The following DEPDC5 variants were observed in gnomAD, a reference collection of about 807,000 sequenced individuals.
DEPDC5 encodes the protein DEP domain containing 5, GATOR1 subcomplex subunit.
DEPDC5 carries 73 observed loss-of-function variants against 217.3 expected under a neutral mutation model. The observed-to-expected ratio is 0.34, with a 90% confidence interval of 0.28 to 0.41. DEPDC5 has a LOEUF of 0.41. Among genes scored for constraint, DEPDC5 ranks in the 10% least tolerant of loss-of-function variants. The probability of loss-of-function intolerance (pLI) is 1.00; values close to 1 mark genes in which losing one functional copy is unlikely to be tolerated. For synonymous variants in DEPDC5, 733 were observed against 756.7 expected (o/e 0.97, Z 0.51); for missense variants, 1,675 against 2,070.1 (o/e 0.81, Z 3.70).
intron 8 of DEPDC5, among the ~76,000 whole-genome samples, chr22:31,783,437 G>C (rs896747944): frequency 6.6e-6 from 1 of 152,120 alleles, no homozygotes; most frequent in Middle Eastern, 3.2e-3. Flanking sequence ...ACGGTGTGAG[G>C]ATTGCTTGAG....
chr22:31,787,683 A>C (rs2085148591), intron 10 of DEPDC5, among the ~76,000 whole-genome samples: 1 of 152,052 alleles, frequency 6.6e-6, no homozygotes, highest in African/African-American at 2.4e-5. Flanking sequence ...GCATTGGCAA[A>C]TGCCTCTAGT....
chr22:31,887,419 CAAAAAAAAAAA>C (rs567430576), intron 38 of DEPDC5, among the ~76,000 whole-genome samples: 2 of 65,680 alleles, frequency 3.0e-5, no homozygotes, highest in Non-Finnish European at 6.2e-5. Context: ...AACTCTGTCT[CAAAAAAAAAAA>C]AAAAAAAAAG....
At chr22:31,853,800 A>C (rs1447306183) in intron 31 of DEPDC5, among the ~76,000 whole-genome samples, 2 of 152,192 alleles carry the variant, frequency 1.3e-5, no homozygotes, top group African/African-American at 4.8e-5. Flanking sequence ...GATGAGGATG[A>C]CAGCCAAGTC....
chr22:31,897,725 G>A lies in DEPDC5; in HGVS notation c.4375+72G>A, dbSNP rs2093578696. The A allele has an allele frequency of 7.7e-6, 12 of 1,553,716 alleles. No homozygotes were observed. The South Asian group carries it at 1.3e-4, about 17-fold the overall frequency. ...GTCCCTAACAAGGACACCACTCTGG[G>A]TATCCAGTCAACACGGACTAGGGAA... On this transcript the variant is annotated intron_variant, in intron 40 of 42. Transcript: ENST00000651528.
chr22:31,893,115 C>T (rs908405085), intron 38 of DEPDC5, among the ~76,000 whole-genome samples: 1 of 152,028 alleles, frequency 6.6e-6, no homozygotes, highest in African/African-American at 2.4e-5. Context: ...ACCTCGTGAT[C>T]TGCTTGCGTC....
At chr22:31,821,789 C>G (rs1602159593) in intron 23 of DEPDC5, 152 bp downstream of exon 23, 2 of 1,121,948 alleles carry the variant, frequency 1.8e-6, no homozygotes, top group East Asian at 4.9e-5. Flanking sequence ...CAGTGGCATT[C>G]CCTTCAGTTG....
At chr22:31,847,406 A>G (rs941367432) in intron 31 of DEPDC5, among the ~76,000 whole-genome samples, 15 of 152,170 alleles carry the variant, frequency 9.9e-5, no homozygotes, top group African/African-American at 3.4e-4. Context: ...CACACTGCTA[A>G]TAAAGACATA....
intron 36 of DEPDC5, 30 bp downstream of exon 36, chr22:31,874,435 G>A: frequency 2.5e-6 from 4 of 1,584,814 alleles, no homozygotes; most frequent in Non-Finnish European, 3.4e-6. Flanking sequence ...CCATAGAGCT[G>A]TTTGCTTAGG....
At chr22:31,811,094 G>A (rs1054610233) in intron 20 of DEPDC5, among the ~76,000 whole-genome samples, 2 of 151,308 alleles carry the variant, frequency 1.3e-5, no homozygotes, top group Non-Finnish European at 2.9e-5. Flanking sequence ...TTTTGAGACG[G>A]AGTCTCACTC....
At chr22:31,879,884 T>A (rs987545683) in intron 38 of DEPDC5, 132 bp downstream of exon 38, 14 of 886,926 alleles carry the variant, frequency 1.6e-5, no homozygotes, top group Admixed American at 7.0e-5. Flanking sequence ...GGCCACTGTG[T>A]CTGTCGGCAC....
rs774737970 is a variant in DEPDC5 at position 31,907,888 on chromosome 22, T to C, written c.*1391T>C. 6.6e-6 allele frequency: 1 copy of C among 152,244 alleles called. No homozygotes were observed. Among genetic ancestry groups the C allele is most frequent in the Non-Finnish European group, 1.5e-5 (1 of 68,058 alleles). 9.4% of individuals were successfully genotyped at this position (152,244 alleles called of 1,614,324 possible). A position where few individuals can be genotyped will look rare whatever the true frequency, so the allele number is the denominator to read the frequency against. The stretch of plus-strand genomic sequence containing the variant: ...CTCCTCAATGGCTTTGCATCCATTC[T>C]CTTCTTCCCAGGCCCTGAGCTGCCA... On this transcript the variant is annotated 3_prime_UTR_variant, in exon 43 of 43. Coordinates refer to ENST00000651528, the MANE Select transcript of DEPDC5 (RefSeq NM_001242896.3).
At chr22:31,892,191 G>T (rs1178491155) in intron 38 of DEPDC5, among the ~76,000 whole-genome samples, 1 of 152,184 alleles carries the variant, frequency 6.6e-6, no homozygotes, top group East Asian at 1.9e-4. Flanking sequence ...GCCTGGCTGA[G>T]GTTCTGATTC....
At chr22:31,886,831 G>A (rs1221441025) in intron 38 of DEPDC5, among the ~76,000 whole-genome samples, 5 of 151,024 alleles carry the variant, frequency 3.3e-5, no homozygotes, top group African/African-American at 1.2e-4. Context: ...AGCACTTTGG[G>A]AGGCCAAGGT....
intron 7 of DEPDC5, among the ~76,000 whole-genome samples, chr22:31,775,897 T>G (rs1261324847): frequency 6.6e-6 from 1 of 151,448 alleles, no homozygotes; most frequent in Non-Finnish European, 1.5e-5. Context: ...AAAAATTAGC[T>G]GGGCATGGTG....
Position 31,791,434 on chromosome 22 carries a change from C to T in DEPDC5, c.625-599C>T, listed in dbSNP as rs959553057. On this transcript the variant is annotated intron_variant, in intron 10 of 42. Coordinates refer to ENST00000651528, the MANE Select transcript of DEPDC5 (RefSeq NM_001242896.3). The stretch of plus-strand genomic sequence containing the variant: ...AGCAGATCACTTGAGGCCATGAGTT[C>T]GAGACCAGCCTGGCCAACATGGTGA... 9.3e-5 allele frequency among the ~76,000 whole-genome samples: 14 copies of T among 150,116 alleles called. No individual in the cohort carries two copies. The South Asian group carries it at 1.3e-3, about 14-fold the overall frequency.
chr22:31,754,538 T>G (rs1243787681), intron 1 of DEPDC5, among the ~76,000 whole-genome samples: 1 of 152,266 alleles, frequency 6.6e-6, no homozygotes, highest in Non-Finnish European at 1.5e-5. Context: ...TTTTAAGATC[T>G]CTTTACTATT....
intron 7 of DEPDC5, among the ~76,000 whole-genome samples, chr22:31,776,060 A>G (rs1344051228): frequency 6.7e-6 from 1 of 150,246 alleles, no homozygotes; most frequent in Non-Finnish European, 1.5e-5. Context: ...AAAAAAAAAA[A>G]GTGAAAGCAG....
rs115523027 is a variant in DEPDC5, at chr22:31,867,531, C to T, written c.3331-3059C>T. Among the ~76,000 whole-genome samples the T allele has an allele frequency of 3.1e-3, 475 of 152,328 alleles. 4 individuals are homozygous for T. The highest frequency in any genetic ancestry group is 0.011 in the African/African-American group (461 of 41,570). ...CTTAAAAGATACACATTGTGTGATA[C>T]ATAGATAGAGCAGAGGTCAGGAAAC... On this transcript the variant is annotated intron_variant, in intron 33 of 42. Coordinates refer to ENST00000651528, the MANE Select transcript of DEPDC5 (RefSeq NM_001242896.3).
In DEPDC5 at chr22:31,760,707, G is replaced by A. The variant is rs2082316143; in HGVS notation, c.193+5G>A. ...TTAAGGAAGATTTACAGAAGGGTAAGAATTATATCACTCTTCTTAGAATTT... is the reference window on the plus strand; with the variant it reads ...TTAAGGAAGATTTACAGAAGGGTAAAAATTATATCACTCTTCTTAGAATTT... On this transcript the variant is annotated splice_donor_5th_base_variant and intron_variant, in intron 4 of 42. Coordinates refer to ENST00000651528, the MANE Select transcript of DEPDC5 (RefSeq NM_001242896.3). The A allele has an allele frequency of 6.2e-7, 1 of 1,604,568 alleles. No individual in the cohort carries two copies. The highest frequency in any genetic ancestry group is 8.5e-7 in the Non-Finnish European group (1 of 1,175,504).
Sources: allele counts gnomAD v4.1 joint callset (sites outside exome capture counted in the v4.1 genomes callset), GRCh38; gene constraint gnomAD v4.1.1; transcripts MANE v1.5; gene names NCBI Gene and HGNC (gene_info 2026-07-23, HGNC 2026-07-21).